Variants in DUOX2 observed in about 807,000 individuals in gnomAD.
DUOX2 encodes NADH/NADPH thyroid oxidase p138-tox.
Under a neutral mutation model 183.3 loss-of-function variants are expected in DUOX2, and 185 were observed. The observed-to-expected ratio is 1.01, with a 90% CI of 0.90 to 1.14. The LOEUF is 1.14. DUOX2 is among the 50% of genes most tolerant of loss of function. The pLI is 0.00. For missense variants in DUOX2, 1,999 were observed against 2,022.9 expected, an observed-to-expected ratio of 0.99 and a Z score of 0.23; for synonymous variants, 788 against 812.4, an observed-to-expected ratio of 0.97 and a Z score of 0.51.
At chr15:45,094,412 G>A in intron 33 of DUOX2, 140 bp from the exon 34 acceptor site, 5 of 1,526,668 alleles carry the variant, frequency 3.3e-6, no homozygotes, top group Non-Finnish European at 4.5e-6. Context: ...CGTGGAGGGG[G>A]TGGAAGTCCC....
intron 11 of DUOX2, 179 bp from the exon 12 acceptor site, chr15:45,109,131 ATC>A: frequency 1.3e-6 from 1 of 780,342 alleles, no homozygotes; most frequent in Non-Finnish European, 2.1e-6. Context: ...ACCATGGGTG[ATC>A]AGAGCCAGTT....
In DUOX2 at chr15:45,111,878, G is replaced by T; in HGVS notation, c.403C>A (p.Pro135Thr). The T allele has an allele frequency of 6.2e-7, 1 of 1,613,906 alleles. No homozygotes were observed. Among genetic ancestry groups the T allele is most frequent in the Non-Finnish European group, 8.5e-7 (1 of 1,180,018 alleles). The change falls in exon 5 of 34, where the codon CCT (proline) becomes ACT (threonine). Residue 135 changes from proline to threonine, a missense_variant. By Grantham distance (38) the Pro-to-Thr change is conservative. Around this residue, in one of 3 missense-constraint regions of DUOX2, gnomAD observed 356 missense variants for 356.4 expected, o/e 1.00. Transcript: ENST00000389039. ...PAEFLNIRIP[P>T]GDPVFDPDQR... ...TCGGGGTCGAACACGGGGTCTCCAG[G>T]TGGGATGCGGATGTTGAGGAACTCG...
chr15:45,111,863 A>C lies in DUOX2; in HGVS notation c.418T>G (p.Phe140Val). Residue 140 changes from phenylalanine to valine, a missense_variant, in exon 5 of 34, where the codon TTC becomes GTC. By Grantham distance (50) the Phe-to-Val change is conservative. Transcript: ENST00000389039. ...NIRIPPGDPV[F>V]DPDQRGDVVL... ...ACGTCCCCGCGCTGGTCGGGGTCGA[A>C]CACGGGGTCTCCAGGTGGGATGCGG... 6.2e-7 allele frequency: 1 copy of C among 1,613,740 alleles called. No individual in the cohort carries two copies. Among genetic ancestry groups the C allele is most frequent in the Non-Finnish European group, 8.5e-7 (1 of 1,179,986 alleles).
chr15:45,113,413 C>G lies in DUOX2; in HGVS notation c.-2G>C, dbSNP rs1246864954. 1.3e-5 allele frequency: 20 copies of G among 1,560,518 alleles called. No individual in the cohort carries two copies. The highest frequency in any genetic ancestry group is 1.6e-5 in the Non-Finnish European group (19 of 1,151,564). On this transcript the variant is annotated 5_prime_UTR_variant, in exon 2 of 34. Transcript: ENST00000389039. ...TGCCTCTGGTCTTGCACGGAGCATG[C>G]CAACCCTGCAGCCTGCGGGGTGAGG...
At chr15:45,102,780 G>A (rs1407618531) in intron 20 of DUOX2, among the ~76,000 whole-genome samples, 1 of 152,174 alleles carries the variant, frequency 6.6e-6, no homozygotes, top group Admixed American at 6.5e-5. Flanking sequence ...TCAGGAGTTC[G>A]AGACTAGCCT....
chr15:45,099,684 G>A lies in DUOX2; in HGVS notation c.3393C>T (p.Ala1131=), dbSNP rs1389725299. The change falls in exon 25 of 34, where the codon GCC becomes GCT. Residue 1131 remains alanine, a synonymous_variant. Coordinates refer to ENST00000389039, the MANE Select transcript of DUOX2 (RefSeq NM_001363711.2). ...DAAVDFHRWI[A]MAAVVLAILH... is the part of the protein sequence containing the mutation. ...TACTGGCCAGGACAACAGCAGCCATGGCGATCCAGCGGTGGAAGTCCACTG... is the reference window on the plus strand; with the variant it reads ...TACTGGCCAGGACAACAGCAGCCATAGCGATCCAGCGGTGGAAGTCCACTG... 3.7e-6 allele frequency: 6 copies of A among 1,614,212 alleles called. No individual in the cohort carries two copies. Among genetic ancestry groups the A allele is most frequent in the Non-Finnish European group, 5.1e-6 (6 of 1,180,052 alleles).
At chr15:45,101,063 C>T in intron 22 of DUOX2, 142 bp downstream of exon 22, 1 of 797,466 alleles carries the variant, frequency 1.3e-6, no homozygotes, top group Non-Finnish European at 2.2e-6. Flanking sequence ...AGAGAGGCAG[C>T]TGGAATGTTT....
chr15:45,097,542 T>G, intron 28 of DUOX2, 72 bp downstream of exon 28: 1 of 1,613,046 alleles, frequency 6.2e-7, no homozygotes, highest in Non-Finnish European at 8.5e-7. Flanking sequence ...TTGGATCCAA[T>G]TCTCCCTCTT....
chr15:45,094,334 A>G, intron 33 of DUOX2, 62 bp from the exon 34 acceptor site: 2 of 1,611,586 alleles, frequency 1.2e-6, no homozygotes, highest in Non-Finnish European at 1.7e-6. Flanking sequence ...CTCCTTGGGA[A>G]AAGCTGCTTC....
In DUOX2 at chr15:45,110,649, C is replaced by G; in HGVS notation, c.943+1G>C. On this transcript the variant is annotated splice_donor_variant, in intron 8 of 33. Coordinates refer to ENST00000389039, the MANE Select transcript of DUOX2 (RefSeq NM_001363711.2). LOFTEE classifies it high-confidence loss of function. Reference sequence around the variant, plus strand: ...GGTGTCCTCCTTCCCCGCTCCCTCACCTGTATACTCCGGGAGTGTTTTCTG... The same window carrying G: ...GGTGTCCTCCTTCCCCGCTCCCTCAGCTGTATACTCCGGGAGTGTTTTCTG... The G allele has an allele frequency of 3.7e-6, 6 of 1,613,122 alleles. No individual in the cohort carries two copies. The highest frequency in any genetic ancestry group is 5.1e-6 in the Non-Finnish European group (6 of 1,179,998).
intron 23 of DUOX2, 106 bp from the exon 24 acceptor site, chr15:45,100,334 G>T: frequency 1.8e-6 from 2 of 1,109,282 alleles, no homozygotes; most frequent in Non-Finnish European, 2.6e-6. Context: ...ATCAGGATGG[G>T]CCACAACAGA....
chr15:45,095,859 G>T lies in DUOX2; in HGVS notation c.4049C>A (p.Pro1350Gln). 1 of 1,614,064 alleles carries T rather than the reference G, an allele frequency of 6.2e-7. No individual in the cohort carries two copies. Among genetic ancestry groups the T allele is most frequent in the East Asian group, 2.2e-5 (1 of 44,876 alleles). Residue 1350 changes from proline to glutamine, a missense_variant, in exon 30 of 34, where the codon CCA (proline) becomes CAA (glutamine). Coordinates refer to ENST00000389039, the MANE Select transcript of DUOX2 (RefSeq NM_001363711.2). ...GTATCCAGCACAGCCATTGCCCTTT[G>T]GGGATGAGTAGATCTCCCTGAGGCG... is the stretch of plus-strand genomic sequence containing the variant. ...TTRLREIYSSPKGNGCAGYPK... is the reference protein window; with the variant it reads ...TTRLREIYSSQKGNGCAGYPK...
intron 3 of DUOX2, 22 bp from the exon 4 acceptor site, chr15:45,112,740 CTCTG>C (rs1342272223): frequency 1.9e-6 from 3 of 1,609,622 alleles, no homozygotes; most frequent in African/African-American, 1.3e-5. Context: ...GGGAGCGGGG[CTCTG>C]TCTAAGCACT....
Position 45,095,924 on chromosome 15 carries a change from T to A in DUOX2, c.3984A>T (p.Thr1328=), listed in dbSNP as rs368849023. Reference sequence around the variant, plus strand: ...CCACTGCCCGGATGTGCAGGCTGAGTGTGTCCTCATGGGGCGCGGAGGTCA... The same window carrying A: ...CCACTGCCCGGATGTGCAGGCTGAGAGTGTCCTCATGGGGCGCGGAGGTCA... ...FTLTSAPHED[T]LSLHIRAVGP... is the part of the protein sequence containing the mutation. Residue 1328 remains threonine, a synonymous_variant, in exon 30 of 34, where the codon ACA becomes ACT. Transcript: ENST00000389039. 2 of 1,613,416 alleles carry A rather than the reference T, an allele frequency of 1.2e-6. No individual in the cohort carries two copies. The highest frequency in any genetic ancestry group is 2.2e-5 in the South Asian group (2 of 91,042).
At position 45,095,959 on chromosome 15, in the gene DUOX2, G is replaced by A; in HGVS notation, c.3949C>T (p.Pro1317Ser). 3 of 1,614,076 alleles carry A rather than the reference G, an allele frequency of 1.9e-6. No homozygotes were observed. In the East Asian group the frequency reaches 6.7e-5, roughly 36 times the overall value. ...TGGGGCGCGGAGGTCAGTGTGAAGG[G>A]GTGGTACTCGGTGGTCCCCAGAGCC... is the stretch of plus-strand genomic sequence containing the variant. ...CLALGTTEYH[P>S]FTLTSAPHED... Residue 1317 changes from proline (P) to serine (S), a missense_variant, in exon 30 of 34, where the codon CCC becomes TCC. Pro to Ser is a moderately conservative substitution (Grantham distance 74). Around this residue, in one of 3 missense-constraint regions of DUOX2, gnomAD observed 1,628 missense variants for 1,608.6 expected, o/e 1.01. Transcript: ENST00000389039.
At chr15:45,113,820 G>A (rs1894523515) in intron 1 of DUOX2, among the ~76,000 whole-genome samples, 153 bp downstream of exon 1, 1 of 152,180 alleles carries the variant, frequency 6.6e-6, no homozygotes. Context: ...CCTCCAGGAG[G>A]CAGGGAAGGG....
Position 45,101,802 on chromosome 15 carries a change from C to G in DUOX2, c.2842G>C (p.Gly948Arg). The G allele has an allele frequency of 6.2e-7, 1 of 1,614,228 alleles. No homozygotes were observed. Among genetic ancestry groups the G allele is most frequent in the Non-Finnish European group, 8.5e-7 (1 of 1,180,036 alleles). Residue 948 changes from glycine to arginine, a missense_variant, in exon 21 of 34, where the codon GGT (glycine) becomes CGT (arginine). This residue lies in a region of DUOX2 where 1,628 missense variants were observed against 1,608.6 expected (regional missense o/e 1.01). Transcript: ENST00000389039. ...TQLCVKGGGGGGNGIRDIFKQ... is the reference protein window; with the variant it reads ...TQLCVKGGGGRGNGIRDIFKQ... ...TTCCTCACACACTCACCATTTCCAC[C>G]TCCACCTCCACCTTTGACACAGAGC...
In DUOX2 at chr15:45,111,960, G is replaced by C; in HGVS notation, c.326-5C>G. On this transcript the variant is annotated splice_polypyrimidine_tract_variant and splice_region_variant and intron_variant, in intron 4 of 33. Coordinates refer to ENST00000389039, the MANE Select transcript of DUOX2 (RefSeq NM_001363711.2). ...CGTCGGAAAGAACATGGTAGCCTGC[G>C]GGCATGGGGCGCCAATACGTGACAA... 6.2e-7 allele frequency: 1 copy of C among 1,613,226 alleles called. No individual in the cohort carries two copies. The highest frequency in any genetic ancestry group is 2.2e-5 in the East Asian group (1 of 44,862).
At chr15:45,100,935 G>A (rs1894065777) in intron 22 of DUOX2, 97 bp from the exon 23 acceptor site, 1 of 836,924 alleles carries the variant, frequency 1.2e-6, no homozygotes, top group East Asian at 2.4e-5. Context: ...AGTGGCTCCT[G>A]GTACCAGGCA....
Sources: gnomAD v4.1 joint callset for allele counts (sites outside exome capture counted in the v4.1 genomes callset) on GRCh38, gnomAD v4.1.1 for gene constraint, gnomAD v4.1.1 regional missense constraint, MANE v1.5 for transcripts, NCBI Gene and HGNC (gene_info 2026-07-23, HGNC 2026-07-21) for gene names.